Variants in MS4A7 observed in about 807,000 individuals in gnomAD.
MS4A7 encodes the protein membrane-spanning 4-domains subfamily A member 7.
Under a neutral mutation model 23.5 loss-of-function variants are expected in MS4A7, and 21 were observed. The ratio of observed to expected loss-of-function variants is 0.89; its 90% CI spans 0.63 to 1.29. MS4A7 has a LOEUF of 1.29. Ranked by LOEUF, MS4A7 falls within the 50% of genes most tolerant of loss-of-function variation. MS4A7 has a pLI of 0.00. For missense variants in MS4A7, 263 were observed against 274.2 expected (o/e 0.96, Z 0.29); for synonymous variants, 111 against 107.4 (o/e 1.03, Z -0.21).
chr11:60,384,388 T>G (rs2085462212), intron 2 of MS4A7, among the ~76,000 whole-genome samples: 2 of 152,208 alleles, frequency 1.3e-5, no homozygotes, highest in Admixed American at 6.5e-5. Context: ...TGTCTGTACC[T>G]TTACAGACAA....
chr11:60,385,349 A>G (rs2085474892), intron 3 of MS4A7, 127 bp downstream of exon 3: 2 of 980,160 alleles, frequency 2.0e-6, no homozygotes, highest in South Asian at 1.6e-5. Flanking sequence ...CTTTCCTTCT[A>G]TCATTGCCCC....
chr11:60,391,306 T>G (rs894852447), intron 5 of MS4A7, among the ~76,000 whole-genome samples: 1 of 152,100 alleles, frequency 6.6e-6, no homozygotes, highest in African/African-American at 2.4e-5. Flanking sequence ...AAGCATTAAG[T>G]TAAAAACTGT....
intron 3 of MS4A7, among the ~76,000 whole-genome samples, chr11:60,386,034 C>T (rs1256481572): frequency 2.6e-5 from 4 of 152,126 alleles, no homozygotes; most frequent in Non-Finnish European, 5.9e-5. Flanking sequence ...GGTTGTGGGC[C>T]CCACATCTCC....
In MS4A7 at chr11:60,395,042, T is replaced by G; in HGVS notation, c.*1181T>G. On this transcript the variant is annotated 3_prime_UTR_variant, in exon 7 of 7. Coordinates refer to ENST00000300184, the MANE Select transcript of MS4A7 (RefSeq NM_021201.5). ...CTAGCTTGGAGCTAAATGCTGCTCA[T>G]GCTGAAAAGAATAATGTCTATTTCT... The G allele has an allele frequency of 1.7e-6, 1 of 590,490 alleles. No homozygotes were observed. The highest frequency in any genetic ancestry group is 3.1e-6 in the Non-Finnish European group (1 of 326,186). 36.6% of individuals were successfully genotyped at this position (590,490 alleles called of 1,614,324 possible). A position where few individuals can be genotyped will look rare whatever the true frequency, so the allele number is the denominator to read the frequency against.
chr11:60,386,256 A>G (rs1275873008), intron 3 of MS4A7, among the ~76,000 whole-genome samples: 1 of 152,126 alleles, frequency 6.6e-6, no homozygotes, highest in East Asian at 1.9e-4. Flanking sequence ...CTCGACTCCC[A>G]TTCTGACTCA....
Position 60,384,068 on chromosome 11 carries a change from TGG to T in MS4A7, c.147+781_147+782del, listed in dbSNP as rs2085459039. Among the ~76,000 whole-genome samples, 3 of 152,338 alleles carry T rather than the reference TGG, an allele frequency of 2.0e-5. No individual in the cohort carries two copies. The South Asian group carries it at 6.2e-4, about 32-fold the overall frequency. ...CATATCCAGAACTTTAATCTCCATG[TGG>T]TTTTGAATACCCTCTTATAATACCC... On this transcript the variant is annotated intron_variant, in intron 2 of 6. Transcript: ENST00000300184.
intron 5 of MS4A7, 86 bp from the exon 6 acceptor site, chr11:60,392,599 C>A (rs1277049580): frequency 1.7e-5 from 16 of 951,934 alleles, no homozygotes; most frequent in Non-Finnish European, 2.7e-5. Context: ...CTCTGCATTG[C>A]TGGAGCCTCA....
In MS4A7 at chr11:60,389,563, C is replaced by T. The variant is rs753943440; in HGVS notation, c.513C>T (p.Ile171=). The T allele has an allele frequency of 6.2e-7, 1 of 1,613,840 alleles. No individual in the cohort carries two copies. Among genetic ancestry groups the T allele is most frequent in the African/African-American group, 1.3e-5 (1 of 74,894 alleles). The change falls in exon 5 of 7, where the codon ATC becomes ATT. Residue 171 remains isoleucine (I), a synonymous_variant. Transcript: ENST00000300184. ...YSEYYYPIYE[I]KDCLLTSVSL... ...AGTACTATTATCCAATATATGAAAT[C>T]AAAGATTGTCTCCTGACCAGTGTCA... is the stretch of plus-strand genomic sequence containing the variant.
chr11:60,394,436 A>G lies in MS4A7; in HGVS notation c.*575A>G, dbSNP rs1246067171. On this transcript the variant is annotated 3_prime_UTR_variant, in exon 7 of 7. Coordinates refer to ENST00000300184, the MANE Select transcript of MS4A7 (RefSeq NM_021201.5). ...GCAAGCATGTCCCTGCCTCCCATGA[A>G]TCTTACCATGTAAATCCAAATCTCT... is the stretch of plus-strand genomic sequence containing the variant. The G allele has an allele frequency of 1.3e-5, 2 of 152,604 alleles. No individual in the cohort carries two copies. Among genetic ancestry groups the G allele is most frequent in the Non-Finnish European group, 2.9e-5 (2 of 68,404 alleles). The allele number at this position is 152,604 out of a possible 1,614,324, so 9.5% of individuals were successfully genotyped here.
Position 60,394,183 on chromosome 11 carries a change from G to A in MS4A7, c.*322G>A. 5.1e-6 allele frequency: 1 copy of A among 195,332 alleles called. No individual in the cohort carries two copies. The highest frequency in any genetic ancestry group is 1.0e-5 in the Non-Finnish European group (1 of 97,180). The allele number at this position is 195,332 out of a possible 1,614,324, so 12.1% of individuals were successfully genotyped here. ...CTAGTGTGAATTTGGTAAGTTGCGT[G>A]ACTCTGCAGGCTGTTTCTGTATTAT... On this transcript the variant is annotated 3_prime_UTR_variant, in exon 7 of 7. Transcript: ENST00000300184.
intron 1 of MS4A7, among the ~76,000 whole-genome samples, chr11:60,382,769 A>G (rs2085444141): frequency 6.6e-6 from 1 of 152,248 alleles, no homozygotes; most frequent in Non-Finnish European, 1.5e-5. Context: ...CAAGTGAAGC[A>G]GAGATACAGG....
intron 2 of MS4A7, 99 bp from the exon 3 acceptor site, chr11:60,384,989 T>G: frequency 8.9e-7 from 1 of 1,118,026 alleles, no homozygotes; most frequent in South Asian, 1.8e-5. Context: ...TAACAAATTA[T>G]AATGTATTTT....
chr11:60,395,173 G>A lies in MS4A7; in HGVS notation c.*1312G>A. 2.7e-6 allele frequency: 1 copy of A among 365,760 alleles called. No homozygotes were observed. The highest frequency in any genetic ancestry group is 4.9e-6 in the Non-Finnish European group (1 of 205,194). 22.7% of individuals were successfully genotyped at this position (365,760 alleles called of 1,614,324 possible). On this transcript the variant is annotated 3_prime_UTR_variant, in exon 7 of 7. Transcript: ENST00000300184. The stretch of plus-strand genomic sequence containing the variant: ...GGCGTATTCTTTCTTCCCAGTCATT[G>A]CTGCAATTATCTTGTCTGTTCTTTG...
intron 5 of MS4A7, among the ~76,000 whole-genome samples, chr11:60,390,359 A>T (rs2085538055): frequency 6.6e-6 from 1 of 152,238 alleles, no homozygotes; most frequent in Admixed American, 6.5e-5. Context: ...TGTTAAAACC[A>T]TAAACCAGTG....
rs1277939722 is a variant in MS4A7 at position 60,394,070 on chromosome 11, A to T, written c.*209A>T. ...CCCAAGTCAATAAATGTTATCAGCCAGTCTTCCAAAATGGTCATAAACTTT... is the reference window on the plus strand; with the variant it reads ...CCCAAGTCAATAAATGTTATCAGCCTGTCTTCCAAAATGGTCATAAACTTT... On this transcript the variant is annotated 3_prime_UTR_variant, in exon 7 of 7. Coordinates refer to ENST00000300184, the MANE Select transcript of MS4A7 (RefSeq NM_021201.5). 3 of 396,342 alleles carry T rather than the reference A, an allele frequency of 7.6e-6. No homozygotes were observed. The highest frequency in any genetic ancestry group is 1.3e-5 in the Non-Finnish European group (3 of 226,008). 24.6% of individuals were successfully genotyped at this position (396,342 alleles called of 1,614,324 possible).
Position 60,394,934 on chromosome 11 carries a change from C to T in MS4A7, c.*1073C>T, listed in dbSNP as rs2085597928. The T allele has an allele frequency of 3.1e-6, 2 of 647,822 alleles. No individual in the cohort carries two copies. Among genetic ancestry groups the T allele is most frequent in the Non-Finnish European group, 5.7e-6 (2 of 353,064 alleles). The allele number at this position is 647,822 out of a possible 1,614,324, so 40.1% of individuals were successfully genotyped here. ...GTTGGCACATAAACTATGTTCTCTT[C>T]TGTCATTTCAGGGTAGGAGTCAATG... On this transcript the variant is annotated 3_prime_UTR_variant, in exon 7 of 7. Coordinates refer to ENST00000300184, the MANE Select transcript of MS4A7 (RefSeq NM_021201.5).
chr11:60,386,937 A>G (rs2085497701), intron 4 of MS4A7, among the ~76,000 whole-genome samples, 164 bp downstream of exon 4: 1 of 152,246 alleles, frequency 6.6e-6, no homozygotes, highest in Admixed American at 6.5e-5. Context: ...AACCAAGAGT[A>G]GAGCCCAAAT....
rs527762212 is a variant in MS4A7 at position 60,383,305 on chromosome 11, A to T, written c.147+17A>T. On this transcript the variant is annotated intron_variant, in intron 2 of 6. Transcript: ENST00000300184. ...GTTCTTGGGGTAAGTCCACCTCATT[A>T]TAAGGGGAATACTGAGAAAATACTT... 16 of 1,613,808 alleles carry T rather than the reference A, an allele frequency of 9.9e-6. No homozygotes were observed. The highest frequency in any genetic ancestry group is 9.9e-5 in the South Asian group (9 of 91,044).
rs1259066624 is a variant in MS4A7, at chr11:60,389,397, G to T, written c.347G>T (p.Ser116Ile). The change falls in exon 5 of 7, where the codon AGC becomes ATC. Residue 116 changes from serine to isoleucine, a missense_variant. By Grantham distance (142) the Ser-to-Ile change is moderately radical. Transcript: ENST00000300184. ...GKQSTKPFDL[S>I]SLTSNAVSSV... ...GCAGAGTTTCTCTTCCAGGACCTGA[G>T]CAGCTTGACCTCAAATGCAGTGAGT... The T allele has an allele frequency of 6.2e-7, 1 of 1,610,476 alleles. No homozygotes were observed. The highest frequency in any genetic ancestry group is 8.5e-7 in the Non-Finnish European group (1 of 1,178,252).
Sources: allele counts gnomAD v4.1 joint callset (sites outside exome capture counted in the v4.1 genomes callset), GRCh38; gene constraint gnomAD v4.1.1; transcripts MANE v1.5; gene names NCBI Gene and HGNC (gene_info 2026-07-23, HGNC 2026-07-21).